The following CFHR5 variants were observed in gnomAD, a reference collection of about 807,000 sequenced individuals.
The protein encoded by CFHR5 is complement factor H related 5, also known as complement factor H-related protein 5.
In CFHR5, 73 loss-of-function variants were observed where a neutral mutation model predicts 62.9. The ratio of observed to expected loss-of-function variants is 1.16; its 90% CI spans 0.96 to 1.41. The LOEUF (loss-of-function observed/expected upper bound fraction) is 1.41, where lower values mean the gene tolerates loss of function less well. CFHR5 is among the 40% of genes most tolerant of loss of function. The pLI is 0.00. For missense variants in CFHR5, 779 were observed against 679.9 expected (o/e 1.15, Z -1.62); for synonymous variants, 249 against 227.2 (o/e 1.10, Z -0.86).
chr1:196,984,208 T>C, intron 3 of CFHR5, 71 bp downstream of exon 3: 1 of 1,312,348 alleles, frequency 7.6e-7, no homozygotes, highest in Non-Finnish European at 1.1e-6. Flanking sequence ...ATAGATTAAA[T>C]ATAGGTTAAA....
At chr1:197,002,804 T>C in intron 8 of CFHR5, 140 bp downstream of exon 8, 1 of 698,740 alleles carries the variant, frequency 1.4e-6, no homozygotes, top group South Asian at 1.8e-5. Context: ...TAACCAATTC[T>C]GTCATTTAAA....
chr1:197,005,340 A>G (rs1654259345), intron 9 of CFHR5, among the ~76,000 whole-genome samples: 1 of 152,200 alleles, frequency 6.6e-6, no homozygotes, highest in Non-Finnish European at 1.5e-5. Flanking sequence ...AAAATCTGGA[A>G]GAGTTACTGA....
intron 1 of CFHR5, among the ~76,000 whole-genome samples, chr1:196,979,549 A>G (rs1297152702): frequency 6.6e-6 from 1 of 152,136 alleles, no homozygotes; most frequent in Non-Finnish European, 1.5e-5. Flanking sequence ...AATACAATAT[A>G]AAATATTAAG....
At chr1:196,983,589 AAAC>A (rs1448428847) in intron 2 of CFHR5, among the ~76,000 whole-genome samples, 1 of 152,202 alleles carries the variant, frequency 6.6e-6, no homozygotes, top group Non-Finnish European at 1.5e-5. Flanking sequence ...TAAAAAAGAA[AAAC>A]AATGGGAGAG....
intron 1 of CFHR5, among the ~76,000 whole-genome samples, chr1:196,982,058 C>T (rs1347060082): frequency 1.3e-5 from 2 of 151,482 alleles, no homozygotes; most frequent in African/African-American, 4.9e-5. Flanking sequence ...AACTTTGTAA[C>T]CAGAAAGTAA....
intron 2 of CFHR5, among the ~76,000 whole-genome samples, chr1:196,983,503 A>C (rs966179900): frequency 6.6e-6 from 1 of 152,154 alleles, no homozygotes; most frequent in Non-Finnish European, 1.5e-5. Context: ...TAAATCATTT[A>C]TTTGGTCCTT....
At chr1:197,000,166 G>A (rs921040266) in intron 7 of CFHR5, among the ~76,000 whole-genome samples, 21 of 151,974 alleles carry the variant, frequency 1.4e-4, no homozygotes, top group African/African-American at 4.8e-4. Flanking sequence ...ATGAGTCATA[G>A]GTATCAAAAT....
At chr1:196,995,016 G>A (rs1401567584) in intron 4 of CFHR5, among the ~76,000 whole-genome samples, 1 of 152,068 alleles carries the variant, frequency 6.6e-6, no homozygotes, top group Non-Finnish European at 1.5e-5. Flanking sequence ...TAGGAATTGT[G>A]GGAGCTACAA....
At chr1:196,989,327 G>T (rs892320799) in intron 3 of CFHR5, among the ~76,000 whole-genome samples, 1 of 151,992 alleles carries the variant, frequency 6.6e-6, no homozygotes, top group African/African-American at 2.4e-5. Flanking sequence ...CCAGCTCCTG[G>T]ATTCATTGAT....
intron 3 of CFHR5, among the ~76,000 whole-genome samples, chr1:196,986,974 C>T (rs910536857): frequency 1.3e-5 from 2 of 152,194 alleles, no homozygotes; most frequent in African/African-American, 2.4e-5. Context: ...AACTAGTTTA[C>T]ACTCCCAACA....
chr1:196,993,308 T>G (rs1173921331), intron 3 of CFHR5, among the ~76,000 whole-genome samples: 1 of 152,166 alleles, frequency 6.6e-6, no homozygotes, highest in East Asian at 1.9e-4. Flanking sequence ...TATCTACTGT[T>G]TTTTGAGACA....
chr1:196,992,315 T>C (rs1181517805), intron 3 of CFHR5, among the ~76,000 whole-genome samples: 4 of 150,438 alleles, frequency 2.7e-5, no homozygotes. Flanking sequence ...CTGTCACGGG[T>C]TTCCTTGGCT....
intron 7 of CFHR5, among the ~76,000 whole-genome samples, chr1:197,002,183 A>T (rs1654170931): frequency 6.6e-6 from 1 of 152,164 alleles, no homozygotes. Flanking sequence ...AAAGAAATTT[A>T]TTTGTAAATT....
chr1:196,995,953 T>G, intron 5 of CFHR5, 54 bp downstream of exon 5: 1 of 1,593,698 alleles, frequency 6.3e-7, no homozygotes, highest in East Asian at 2.2e-5. Flanking sequence ...TGCACTTATA[T>G]ATAAATACAC....
At chr1:197,002,703 G>T in intron 8 of CFHR5, 39 bp downstream of exon 8, 1 of 1,509,292 alleles carries the variant, frequency 6.6e-7, no homozygotes. Flanking sequence ...CTTAAAAAGA[G>T]GTTATTAATC....
At position 197,002,634 on chromosome 1, in the gene CFHR5, G is replaced by T; in HGVS notation, c.1300G>T (p.Gly434Ter). Residue 434 changes from glycine to a stop codon, truncating the protein, a stop_gained, in exon 8 of 10, where the codon GGA (glycine) becomes TGA (stop). Coordinates refer to ENST00000256785, the MANE Select transcript of CFHR5 (RefSeq NM_030787.4). LOFTEE classifies it high-confidence loss of function. ...AGCAAAAGAAATTGTATGTAAAGAT[G>T]GACGATGGCAATCATTACCACGCTG... The part of the protein sequence containing the change: ...PEAKEIVCKD[G>*]RWQSLPRCVE... The T allele has an allele frequency of 1.9e-6, 3 of 1,613,314 alleles. No individual in the cohort carries two copies. The South Asian group carries it at 3.3e-5, about 18-fold the overall frequency.
At chr1:196,999,567 A>G (rs1165563289) in intron 7 of CFHR5, among the ~76,000 whole-genome samples, 1 of 150,946 alleles carries the variant, frequency 6.6e-6, no homozygotes, top group African/African-American at 2.4e-5. Context: ...TGTTTAAAAT[A>G]TTAAGAACTA....
intron 3 of CFHR5, among the ~76,000 whole-genome samples, chr1:196,988,143 A>G (rs968264626): frequency 1.3e-4 from 20 of 152,076 alleles, no homozygotes; most frequent in Non-Finnish European, 2.6e-4. Context: ...TGAGAAGGGG[A>G]GTTCACTCAT....
chr1:196,979,896 T>C (rs1014666032), intron 1 of CFHR5, among the ~76,000 whole-genome samples: 2 of 152,268 alleles, frequency 1.3e-5, no homozygotes, highest in South Asian at 4.2e-4. Context: ...TTCTACTTTA[T>C]CAACTGAAAA....
Sources: gnomAD v4.1 joint callset for allele counts (sites outside exome capture counted in the v4.1 genomes callset) on GRCh38, gnomAD v4.1.1 for gene constraint, MANE v1.5 for transcripts, NCBI Gene and HGNC (gene_info 2026-07-23, HGNC 2026-07-21) for gene names.